Variants in IL1RAPL2 observed in about 807,000 individuals in gnomAD.
IL1RAPL2 encodes X-linked interleukin-1 receptor accessory protein-like 2.
Under a neutral mutation model 44.1 loss-of-function variants are expected in IL1RAPL2, and 3 were observed. That is an observed-to-expected ratio of 0.07 (90% CI 0.03 to 0.18). The LOEUF (loss-of-function observed/expected upper bound fraction) is 0.18, where lower values mean the gene tolerates loss of function less well. IL1RAPL2 is among the 10% of genes least tolerant of loss of function. The probability of loss-of-function intolerance (pLI) is 1.00; values close to 1 mark genes in which losing one functional copy is unlikely to be tolerated. For missense variants in IL1RAPL2, 391 were observed against 496.4 expected (o/e 0.79, Z 2.02); for synonymous variants, 181 against 178.8 (o/e 1.01, Z -0.10).
chrX:105,385,118 T>C (rs2035466782), intron 5 of IL1RAPL2, among the ~76,000 whole-genome samples: 1 of 111,325 alleles, frequency 9.0e-6, no homozygotes, highest in African/African-American at 3.3e-5. Context: ...TTCTAATTGG[T>C]CTGGCTTGGA....
chrX:104,907,239 C>T (rs867655920), intron 2 of IL1RAPL2, among the ~76,000 whole-genome samples: 4 of 111,156 alleles, frequency 3.6e-5, no homozygotes, highest in African/African-American at 1.3e-4. Context: ...TTTGTTGATC[C>T]TTTCAAAAAA....
intron 2 of IL1RAPL2, among the ~76,000 whole-genome samples, chrX:105,099,455 T>TC (rs2032643849): frequency 1.6e-5 from 1 of 60,705 alleles, no homozygotes; most frequent in East Asian, 4.9e-4. Context: ...GCCACATACT[T>TC]TTTTTTTTTT....
At chrX:105,077,646 C>T (rs1312139842) in intron 2 of IL1RAPL2, among the ~76,000 whole-genome samples, 5 of 112,120 alleles carry the variant, frequency 4.5e-5, no homozygotes, top group Non-Finnish European at 9.4e-5. Context: ...TTTTTTCCAA[C>T]TTGGTTCCAT....
intron 6 of IL1RAPL2, among the ~76,000 whole-genome samples, chrX:105,517,483 T>G (rs2036523164): frequency 9.0e-6 from 1 of 111,136 alleles, no homozygotes; most frequent in Non-Finnish European, 1.9e-5. Flanking sequence ...TAATGCAAAT[T>G]TGAATGCTTG....
intron 2 of IL1RAPL2, among the ~76,000 whole-genome samples, chrX:105,178,995 TTAATC>T (rs1357477975): frequency 8.9e-6 from 1 of 112,037 alleles, no homozygotes; most frequent in East Asian, 2.8e-4. Flanking sequence ...GTTTTTTAAT[TTAATC>T]AAGTTCTATT....
At chrX:105,571,152 A>G (rs746675961) in intron 6 of IL1RAPL2, among the ~76,000 whole-genome samples, 1 of 111,541 alleles carries the variant, frequency 9.0e-6, no homozygotes. Context: ...TTAATTCCCT[A>G]TCTTATAGAT....
At chrX:105,381,599 T>G (rs2035430789) in intron 5 of IL1RAPL2, among the ~76,000 whole-genome samples, 1 of 111,818 alleles carries the variant, frequency 8.9e-6, no homozygotes, top group African/African-American at 3.2e-5. Flanking sequence ...TTAGCCAGTA[T>G]ACTTTTTCAT....
At chrX:105,037,341 G>A (rs973882977) in intron 2 of IL1RAPL2, among the ~76,000 whole-genome samples, 2 of 110,907 alleles carry the variant, frequency 1.8e-5, no homozygotes, top group Non-Finnish European at 3.8e-5. Flanking sequence ...GGGGAAAATG[G>A]GCCTCAACAG....
At chrX:105,489,787 TTCTCTCTC>T (rs36081932) in intron 6 of IL1RAPL2, among the ~76,000 whole-genome samples, 49 of 73,378 alleles carry the variant, frequency 6.7e-4, no homozygotes, top group Admixed American at 1.0e-3. Flanking sequence ...CTTTCTCTCT[TTCTCTCTC>T]TCTCTCTCTC....
intron 2 of IL1RAPL2, among the ~76,000 whole-genome samples, chrX:104,877,535 A>G (rs370506976): frequency 3.5e-4 from 39 of 112,681 alleles, no homozygotes; most frequent in African/African-American, 1.1e-3. Context: ...TATAGCATCT[A>G]ACTTCAGGTA....
chrX:105,104,408 T>C (rs1489169700), intron 2 of IL1RAPL2, among the ~76,000 whole-genome samples: 1 of 111,705 alleles, frequency 9.0e-6, no homozygotes, highest in Non-Finnish European at 1.9e-5. Context: ...AAATTAAATT[T>C]AAAAAACATA....
intron 5 of IL1RAPL2, among the ~76,000 whole-genome samples, chrX:105,379,876 G>C (rs2035416727): frequency 8.9e-6 from 1 of 111,763 alleles, no homozygotes; most frequent in African/African-American, 3.2e-5. Flanking sequence ...CAAAACTGGG[G>C]CTCTGAGATT....
intron 5 of IL1RAPL2, among the ~76,000 whole-genome samples, chrX:105,333,668 G>GA (rs2035005352): frequency 9.0e-6 from 1 of 111,200 alleles, no homozygotes; most frequent in Middle Eastern, 4.6e-3. Flanking sequence ...AACTCTAAAG[G>GA]AAAAAATCTA....
chrX:105,275,831 T>C (rs981303184), intron 5 of IL1RAPL2, among the ~76,000 whole-genome samples: 1 of 110,902 alleles, frequency 9.0e-6, no homozygotes, highest in African/African-American at 3.3e-5. Context: ...ATCCCCATCT[T>C]ATAAGTCCTA....
At chrX:105,055,706 G>A (rs1033453476) in intron 2 of IL1RAPL2, among the ~76,000 whole-genome samples, 2 of 111,793 alleles carry the variant, frequency 1.8e-5, no homozygotes, top group African/African-American at 6.5e-5. Context: ...TTGATGTACA[G>A]TCAAATGCAA....
chrX:104,677,532 G>A (rs1426308332), intron 2 of IL1RAPL2, among the ~76,000 whole-genome samples: 2 of 111,970 alleles, frequency 1.8e-5, no homozygotes, highest in East Asian at 2.8e-4. Context: ...AGTCTGCAGA[G>A]GTTACTGCTG....
In IL1RAPL2 at chrX:105,254,053, C is replaced by G. The variant is rs149397209; in HGVS notation, c.544-13335C>G. Among the ~76,000 whole-genome samples the G allele has an allele frequency of 9.7e-3, 1,082 of 111,434 alleles. 10 individuals are homozygous for G. The highest frequency in any genetic ancestry group is 0.015 in the Non-Finnish European group (778 of 52,989). On this transcript the variant is annotated intron_variant, in intron 4 of 10. Coordinates refer to ENST00000372582, the MANE Select transcript of IL1RAPL2 (RefSeq NM_017416.2). ...TATGGTAGAATTAATGATTTATATT[C>G]CTCTGGGTATATACCCAGTAATAGT...
At chrX:104,989,738 A>C (rs777555490) in intron 2 of IL1RAPL2, among the ~76,000 whole-genome samples, 1 of 109,488 alleles carries the variant, frequency 9.1e-6, no homozygotes, top group South Asian at 3.7e-4. Context: ...CTATAAAAGC[A>C]CAATAAAAGG....
At chrX:104,922,603 G>A (rs1924672905) in intron 2 of IL1RAPL2, among the ~76,000 whole-genome samples, 1 of 111,765 alleles carries the variant, frequency 8.9e-6, no homozygotes, top group Non-Finnish European at 1.9e-5. Flanking sequence ...AAGAAGCAAA[G>A]CCGAAGGACT....
Sources: allele counts gnomAD v4.1 joint callset (sites outside exome capture counted in the v4.1 genomes callset), GRCh38; gene constraint gnomAD v4.1.1; transcripts MANE v1.5; gene names NCBI Gene and HGNC (gene_info 2026-07-23, HGNC 2026-07-21).